The following PRKD1 variants were observed in gnomAD, a reference collection of about 807,000 sequenced individuals.
The protein encoded by PRKD1 is serine/threonine-protein kinase D1.
In PRKD1, 63 loss-of-function variants were observed where a neutral mutation model predicts 95.9. The ratio of observed to expected loss-of-function variants is 0.66; its 90% confidence interval spans 0.54 to 0.81. The LOEUF (loss-of-function observed/expected upper bound fraction) is 0.81. Ranked by LOEUF, PRKD1 falls within the 30% of genes least tolerant of loss-of-function variation. The pLI is 0.00. For synonymous variants in PRKD1, 425 were observed against 423.1 expected, an observed-to-expected ratio of 1.00 and a Z score of -0.05; for missense variants, 1,048 against 1,165.3, an observed-to-expected ratio of 0.90 and a Z score of 1.47.
intron 1 of PRKD1, among the ~76,000 whole-genome samples, chr14:29,833,495 C>T (rs1389814509): frequency 6.6e-6 from 1 of 152,020 alleles, no homozygotes; most frequent in Non-Finnish European, 1.5e-5. Flanking sequence ...GGCAACTTCC[C>T]TCCTTTAATA....
chr14:29,642,607 T>A (rs1566508225), intron 4 of PRKD1, among the ~76,000 whole-genome samples: 1 of 152,222 alleles, frequency 6.6e-6, no homozygotes, highest in African/African-American at 2.4e-5. Context: ...ATCAAGTTTA[T>A]AAGTTATAAC....
At position 29,597,530 on chromosome 14, in the gene PRKD1, T is replaced by C; in HGVS notation, c.2395A>G (p.Met799Val). 6.2e-7 allele frequency: 1 copy of C among 1,613,076 alleles called. No individual in the cohort carries two copies. The highest frequency in any genetic ancestry group is 1.1e-5 in the South Asian group (1 of 91,028). ...TCCTTCCAGGGATTTGGTGGATACATGAAAGCTGCATTCTGAATTTGGTCG... is the reference window on the plus strand; with the variant it reads ...TCCTTCCAGGGATTTGGTGGATACACGAAAGCTGCATTCTGAATTTGGTCG... ...IHDQIQNAAF[M>V]YPPNPWKEIS... Residue 799 changes from methionine to valine, a missense_variant, in exon 16 of 18, where the codon ATG (methionine) becomes GTG (valine). Met to Val is a conservative substitution (Grantham distance 21). This residue lies in a region of PRKD1 where 739 missense variants were observed against 861.9 expected (regional missense o/e 0.86). Coordinates refer to ENST00000331968, the MANE Select transcript of PRKD1 (RefSeq NM_002742.3).
intron 13 of PRKD1, among the ~76,000 whole-genome samples, chr14:29,606,321 C>CT (rs1338109165): frequency 6.6e-6 from 1 of 152,066 alleles, no homozygotes; most frequent in Non-Finnish European, 1.5e-5. Flanking sequence ...CCAATAATGA[C>CT]TTTTTTGATA....
intron 16 of PRKD1, 90 bp from the exon 17 acceptor site, chr14:29,578,450 A>T: frequency 2.3e-6 from 2 of 868,384 alleles, no homozygotes; most frequent in Non-Finnish European, 3.3e-6. Context: ...TATTTCACAC[A>T]GTTAAATGCA....
At chr14:29,714,428 GA>G (rs1417437186) in intron 2 of PRKD1, among the ~76,000 whole-genome samples, 13 of 152,182 alleles carry the variant, frequency 8.5e-5, no homozygotes. Flanking sequence ...ACACCAGTTA[GA>G]ATAGCAATCA....
rs147308040 is a variant in PRKD1, at chr14:29,676,177, G to GTTTTTTTTTTTTTTT, written c.404-9970_404-9969insAAAAAAAAAAAAAAA. Among the ~76,000 whole-genome samples the GTTTTTTTTTTTTTTT allele has an allele frequency of 5.9e-3, 620 of 104,336 alleles. 16 individuals carry two copies. Among genetic ancestry groups the GTTTTTTTTTTTTTTT allele is most frequent in the South Asian group, 0.011 (31 of 2,808 alleles). 68.4% of individuals were successfully genotyped at this position (104,336 alleles called of 152,430 possible). ...GCTGTAGGCATGCATAGTTCATTAC[G>GTTTTTTTTTTTTTTT]TTTTTGTTTTTTTTTTTTTTTTTTT... On this transcript the variant is annotated intron_variant, in intron 2 of 17. Coordinates refer to ENST00000331968, the MANE Select transcript of PRKD1 (RefSeq NM_002742.3).
chr14:29,663,611 T>C (rs558898057), intron 4 of PRKD1, 88 bp downstream of exon 4: 1 of 1,463,048 alleles, frequency 6.8e-7, no homozygotes, highest in Non-Finnish European at 9.5e-7. Context: ...TTCTCCCTCC[T>C]AGCGCCCTGT....
At chr14:29,732,823 T>G (rs1886506179) in intron 1 of PRKD1, among the ~76,000 whole-genome samples, 1 of 148,920 alleles carries the variant, frequency 6.7e-6, no homozygotes, top group East Asian at 1.9e-4. Flanking sequence ...TCTGTTCCCC[T>G]GTATGCAATG....
intron 2 of PRKD1, among the ~76,000 whole-genome samples, chr14:29,667,862 C>A (rs1214014704): frequency 6.6e-6 from 1 of 151,440 alleles, no homozygotes; most frequent in Admixed American, 6.6e-5. Context: ...TGGAATTAAT[C>A]AGAAGGAATA....
chr14:29,886,222 TACTC>T (rs1215283145), intron 1 of PRKD1, among the ~76,000 whole-genome samples: 1 of 152,216 alleles, frequency 6.6e-6, no homozygotes, highest in African/African-American at 2.4e-5. Flanking sequence ...CAAACACTGT[TACTC>T]ATTAATACTG....
At chr14:29,596,299 A>G (rs1035614645) in intron 16 of PRKD1, among the ~76,000 whole-genome samples, 1 of 152,244 alleles carries the variant, frequency 6.6e-6, no homozygotes, top group African/African-American at 2.4e-5. Context: ...GCCTTTTCAC[A>G]TGGTGAACAT....
chr14:29,621,498 T>C (rs1879265581), intron 13 of PRKD1, among the ~76,000 whole-genome samples: 1 of 152,098 alleles, frequency 6.6e-6, no homozygotes, highest in Admixed American at 6.6e-5. Context: ...TAGTTTCCTA[T>C]TCTTGATGAA....
At chr14:29,905,008 A>G (rs1894446360) in intron 1 of PRKD1, among the ~76,000 whole-genome samples, 2 of 152,184 alleles carry the variant, frequency 1.3e-5, no homozygotes, top group African/African-American at 4.8e-5. Flanking sequence ...TGCCAAACGA[A>G]TGACACTTCC....
At chr14:29,748,180 G>A (rs770270432) in intron 1 of PRKD1, among the ~76,000 whole-genome samples, 1 of 152,004 alleles carries the variant, frequency 6.6e-6, no homozygotes, top group East Asian at 1.9e-4. Context: ...ATTCTGATTC[G>A]CAGCTATAAT....
At chr14:29,674,399 T>G (rs1883036960) in intron 2 of PRKD1, among the ~76,000 whole-genome samples, 1 of 152,272 alleles carries the variant, frequency 6.6e-6, no homozygotes, top group African/African-American at 2.4e-5. Context: ...ATGAATCAAT[T>G]AACAGTTGGG....
chr14:29,595,832 GA>G (rs1893277182), intron 16 of PRKD1, among the ~76,000 whole-genome samples: 1 of 152,136 alleles, frequency 6.6e-6, no homozygotes, highest in Non-Finnish European at 1.5e-5. Flanking sequence ...CTGATAACAG[GA>G]TCAAGTTATT....
intron 1 of PRKD1, among the ~76,000 whole-genome samples, chr14:29,802,903 A>G (rs1890092756): frequency 6.6e-6 from 1 of 152,218 alleles, no homozygotes; most frequent in Non-Finnish European, 1.5e-5. Flanking sequence ...CAGTCCATAA[A>G]AATATTTTGT....
chr14:29,859,102 T>C lies in PRKD1; in HGVS notation c.264+68147A>G, dbSNP rs557795306. On this transcript the variant is annotated intron_variant, in intron 1 of 17. Coordinates refer to ENST00000331968, the MANE Select transcript of PRKD1 (RefSeq NM_002742.3). ...TTCCCCACTTGCAAAGATTCATACA[T>C]TAAATGTCTGATAATTCTCAAAATC... Among the ~76,000 whole-genome samples, 10 of 152,344 alleles carry C rather than the reference T, an allele frequency of 6.6e-5. No homozygotes were observed. The South Asian group carries it at 2.1e-3, about 32-fold the overall frequency.
At chr14:29,826,657 G>GTT (rs2139282282) in intron 1 of PRKD1, among the ~76,000 whole-genome samples, 1 of 33,788 alleles carries the variant, frequency 3.0e-5, no homozygotes, top group Non-Finnish European at 5.0e-5. Flanking sequence ...ATATATGTGT[G>GTT]TGTGTGTATA....
Sources: allele counts gnomAD v4.1 joint callset (sites outside exome capture counted in the v4.1 genomes callset), GRCh38; gene constraint gnomAD v4.1.1; regional missense constraint gnomAD v4.1.1; transcripts MANE v1.5; gene names NCBI Gene and HGNC (gene_info 2026-07-23, HGNC 2026-07-21).